CLEC2A: variants seen among roughly 807,000 people sequenced by gnomAD.
CLEC2A encodes keratinocyte-associated C-type lectin.
Under a neutral mutation model 18.6 loss-of-function variants are expected in CLEC2A, and 19 were observed. The ratio of observed to expected loss-of-function variants is 1.02; its 90% CI spans 0.71 to 1.50. The LOEUF (loss-of-function observed/expected upper bound fraction) is 1.50, where lower values mean the gene tolerates loss of function less well. CLEC2A is among the 40% of genes most tolerant of loss of function. CLEC2A has a pLI of 0.00. For synonymous variants in CLEC2A, 74 were observed against 64.0 expected, an observed-to-expected ratio of 1.16 and a Z score of -0.75; for missense variants, 190 against 207.9, an observed-to-expected ratio of 0.91 and a Z score of 0.53.
chr12:9,891,155 A>C, the CLEC2A span, among the ~76,000 whole-genome samples: 1 of 151,722 alleles, frequency 6.6e-6, no homozygotes, highest in African/African-American at 2.4e-5. Context: ...ATTTAACTCT[A>C]CAAAGATATT....
intron 3 of CLEC2A, among the ~76,000 whole-genome samples, chr12:9,921,661 T>A (rs1394667639): frequency 6.6e-6 from 1 of 152,188 alleles, no homozygotes; most frequent in Admixed American, 6.5e-5. Flanking sequence ...TGACTGGAAG[T>A]CTTACTGGTA....
Position 9,913,433 on chromosome 12 carries a change from T to A in CLEC2A, c.*133A>T, listed in dbSNP as rs1419826118. 2 of 1,403,594 alleles carry A rather than the reference T, an allele frequency of 1.4e-6. No homozygotes were observed. Among genetic ancestry groups the A allele is most frequent in the African/African-American group, 1.5e-5 (1 of 68,552 alleles). 86.9% of individuals were successfully genotyped at this position (1,403,594 alleles called of 1,614,324 possible). On this transcript the variant is annotated 3_prime_UTR_variant, in exon 5 of 5. Transcript: ENST00000455827. ...GGCAGGGCACAGCAAGAAGTTTCCATCTATAAACTAGAAAATGGGCCCTCA... is the reference window on the plus strand; with the variant it reads ...GGCAGGGCACAGCAAGAAGTTTCCAACTATAAACTAGAAAATGGGCCCTCA...
chr12:9,922,073 T>G lies in CLEC2A; in HGVS notation c.299A>C (p.Glu100Ala). Residue 100 changes from glutamate to alanine, a missense_variant, in exon 3 of 5, where the codon GAA (glutamate) becomes GCA (alanine). Physicochemically the swap from Glu to Ala is moderately radical, Grantham distance 107. Transcript: ENST00000455827. The part of the protein sequence containing the change: ...KAELAQIDTQ[E>A]DMEFLKRYAG... ...ACTTTTCTGTTTTCTTACCATGTCT[T>G]CTTGTGTATCAATCTGAGCAAGTTC... The G allele has an allele frequency of 1.9e-6, 3 of 1,540,722 alleles. No homozygotes were observed. Among genetic ancestry groups the G allele is most frequent in the Middle Eastern group, 1.7e-4 (1 of 5,934 alleles).
intron 4 of CLEC2A, among the ~76,000 whole-genome samples, chr12:9,915,878 T>C (rs1167694614): frequency 6.6e-6 from 1 of 152,144 alleles, no homozygotes; most frequent in Non-Finnish European, 1.5e-5. Flanking sequence ...TAAAAATATA[T>C]TTTTTAATTA....
chr12:9,895,261 T>C (rs2137006613), downstream of CLEC2A, among the ~76,000 whole-genome samples: 1 of 152,338 alleles, frequency 6.6e-6, no homozygotes, highest in South Asian at 2.1e-4. Flanking sequence ...TTATTTATGC[T>C]GCTATGTGGA....
chr12:9,883,908 T>C, the CLEC2A span, among the ~76,000 whole-genome samples: 44 of 152,306 alleles, frequency 2.9e-4, no homozygotes, highest in Non-Finnish European at 5.9e-4. Flanking sequence ...AAATTATTTG[T>C]GAAATGTACA....
intron 4 of CLEC2A, among the ~76,000 whole-genome samples, chr12:9,914,757 A>G (rs1591790862): frequency 6.6e-6 from 1 of 152,052 alleles, no homozygotes; most frequent in Non-Finnish European, 1.5e-5. Context: ...AAACCATAAA[A>G]CCCCTAGAAA....
At chr12:9,932,248 C>T (rs757897271) in intron 1 of CLEC2A, 27 bp downstream of exon 1, 144 of 1,469,122 alleles carry the variant, frequency 9.8e-5, no homozygotes, top group Non-Finnish European at 6.7e-5. Context: ...TCCTTTACTT[C>T]CTTCTCATTC....
intron 4 of CLEC2A, among the ~76,000 whole-genome samples, chr12:9,901,927 T>C (rs1455009228): frequency 1.3e-5 from 2 of 150,894 alleles, no homozygotes; most frequent in Non-Finnish European, 3.0e-5. Context: ...CCTTCTTGAA[T>C]GTGGCCAATA....
intron 1 of CLEC2A, among the ~76,000 whole-genome samples, chr12:9,931,211 C>G (rs769934809): frequency 1.6e-4 from 24 of 152,188 alleles, no homozygotes; most frequent in African/African-American, 3.1e-4. Flanking sequence ...CCCAGACAAG[C>G]CTGACTAATT....
chr12:9,883,577 A>G, the CLEC2A span, among the ~76,000 whole-genome samples: 1 of 152,238 alleles, frequency 6.6e-6, no homozygotes, highest in African/African-American at 2.4e-5. Flanking sequence ...TGTTAACTAC[A>G]GATCCATATA....
At chr12:9,918,796 C>G (rs1426344967) in intron 3 of CLEC2A, among the ~76,000 whole-genome samples, 2 of 152,112 alleles carry the variant, frequency 1.3e-5, no homozygotes, top group Non-Finnish European at 2.9e-5. Flanking sequence ...GGAGTTCTTG[C>G]ATTAATTCTG....
At chr12:9,922,253 T>C (rs1458510623) in intron 2 of CLEC2A, 21 bp from the exon 3 acceptor site, 1 of 1,509,854 alleles carries the variant, frequency 6.6e-7, no homozygotes, top group Non-Finnish European at 8.9e-7. Flanking sequence ...AAGAAAGAAA[T>C]GATCAGATAA....
intron 3 of CLEC2A, among the ~76,000 whole-genome samples, chr12:9,918,626 C>T (rs1863111868): frequency 6.6e-6 from 1 of 152,082 alleles, no homozygotes. Flanking sequence ...TTTTTTCTTT[C>T]TAATTTCATG....
At chr12:9,927,833 G>GTT (rs573411594) in intron 1 of CLEC2A, among the ~76,000 whole-genome samples, 1 of 145,888 alleles carries the variant, frequency 6.9e-6, no homozygotes, top group Non-Finnish European at 1.5e-5. Flanking sequence ...CATAAAATGT[G>GTT]TTTTTTTTTT....
At chr12:9,900,191 G>A (rs1396839469) in intron 4 of CLEC2A, among the ~76,000 whole-genome samples, 1 of 152,150 alleles carries the variant, frequency 6.6e-6, no homozygotes, top group East Asian at 1.9e-4. Context: ...TCACTTGGCA[G>A]GATTTGCAGG....
chr12:9,921,999 T>C (rs947574278), intron 3 of CLEC2A, 67 bp downstream of exon 3: 2 of 1,254,548 alleles, frequency 1.6e-6, no homozygotes, highest in Non-Finnish European at 2.2e-6. Context: ...GTATTAGCTA[T>C]TATTGTTTTA....
the CLEC2A span, chr12:9,885,070 A>G: frequency 1.3e-6 from 1 of 763,546 alleles, no homozygotes; most frequent in Non-Finnish European, 1.8e-6. Context: ...ACATTTTCAG[A>G]AGATAAATGT....
At chr12:9,878,775 A>G in the CLEC2A span, among the ~76,000 whole-genome samples, 1 of 152,072 alleles carries the variant, frequency 6.6e-6, no homozygotes, top group African/African-American at 2.4e-5. Flanking sequence ...TAAAGTTGCT[A>G]CCTTTTATAC....
Sources: gnomAD v4.1 joint callset for allele counts (sites outside exome capture counted in the v4.1 genomes callset) on GRCh38, gnomAD v4.1.1 for gene constraint, MANE v1.5 for transcripts, NCBI Gene and HGNC (gene_info 2026-07-23, HGNC 2026-07-21) for gene names.